Variants in ATP2B4 observed in about 807,000 individuals in gnomAD.
The protein encoded by ATP2B4 is plasma membrane calcium-transporting ATPase 4.
ATP2B4 carries 39 observed loss-of-function variants against 110.3 expected under a neutral mutation model. The observed-to-expected ratio is 0.35, with a 90% confidence interval of 0.27 to 0.46. ATP2B4 has a LOEUF of 0.46. Ranked by LOEUF, ATP2B4 falls within the 20% of genes least tolerant of loss-of-function variation. The pLI, the probability that ATP2B4 is intolerant of heterozygous loss-of-function variation, is 1.00. For synonymous variants in ATP2B4, 538 were observed against 571.7 expected, an observed-to-expected ratio of 0.94 and a Z score of 0.84; for missense variants, 1,135 against 1,530.9, an observed-to-expected ratio of 0.74 and a Z score of 4.32.
At chr1:203,700,983 C>A in intron 6 of ATP2B4, 60 bp downstream of exon 6, 2 of 1,561,532 alleles carry the variant, frequency 1.3e-6, no homozygotes, top group Non-Finnish European at 8.7e-7. Flanking sequence ...AACAAGGAAG[C>A]GAGGGAGCAG....
intron 1 of ATP2B4, among the ~76,000 whole-genome samples, chr1:203,672,334 TTTTTTTTTTTTTTTTTTTTTTTA>T (rs1240758799): frequency 3.5e-5 from 2 of 57,260 alleles, no homozygotes; most frequent in Non-Finnish European, 5.7e-5. Flanking sequence ...CTTTTTTTTT[TTTTTTTTTTTTTTTTTTTTTTTA>T]AAGCTGATTT....
At chr1:203,721,500 C>A in intron 17 of ATP2B4, 90 bp downstream of exon 17, 2 of 1,324,388 alleles carry the variant, frequency 1.5e-6, no homozygotes, top group South Asian at 1.3e-5. Context: ...GTGCACAGGT[C>A]AGGAATAAGC....
intron 1 of ATP2B4, among the ~76,000 whole-genome samples, chr1:203,682,086 C>T (rs1313808472): frequency 7.9e-5 from 12 of 152,202 alleles, no homozygotes; most frequent in African/African-American, 2.2e-4. Flanking sequence ...GCAGAATTTC[C>T]GTACACCTGG....
chr1:203,634,700 T>G (rs1306954720), intron 1 of ATP2B4, among the ~76,000 whole-genome samples: 1 of 151,992 alleles, frequency 6.6e-6, no homozygotes, highest in African/African-American at 2.4e-5. Flanking sequence ...GGTCTTGCTT[T>G]ATCATCCAGC....
intron 1 of ATP2B4, among the ~76,000 whole-genome samples, chr1:203,649,498 G>T (rs1663909474): frequency 6.6e-6 from 1 of 152,142 alleles, no homozygotes; most frequent in Non-Finnish European, 1.5e-5. Context: ...TCACTTTAGG[G>T]TGGGCGTAGT....
intron 1 of ATP2B4, among the ~76,000 whole-genome samples, chr1:203,643,818 G>A (rs1663706408): frequency 6.6e-6 from 1 of 152,216 alleles, no homozygotes; most frequent in Admixed American, 6.5e-5. Flanking sequence ...GCAGCGACTT[G>A]TTGGTTTTGG....
chr1:203,643,069 G>A (rs558882885), intron 1 of ATP2B4, among the ~76,000 whole-genome samples: 3 of 152,308 alleles, frequency 2.0e-5, no homozygotes, highest in South Asian at 4.1e-4. Flanking sequence ...TCCCCGTAGC[G>A]AAAGGCCCAG....
intron 1 of ATP2B4, among the ~76,000 whole-genome samples, chr1:203,642,458 CTG>C (rs2102307086): frequency 6.6e-6 from 1 of 152,272 alleles, no homozygotes; most frequent in South Asian, 2.1e-4. Flanking sequence ...CTGGATTTAT[CTG>C]TGTTTTCTGT....
chr1:203,685,937 C>T (rs1665165432), intron 2 of ATP2B4, among the ~76,000 whole-genome samples: 2 of 151,662 alleles, frequency 1.3e-5, no homozygotes, highest in African/African-American at 2.4e-5. Flanking sequence ...ATGTTTTGTC[C>T]TATCTGGAGA....
chr1:203,723,418 A>ATC (rs1491262777), intron 18 of ATP2B4, among the ~76,000 whole-genome samples: 10 of 66,458 alleles, frequency 1.5e-4, no homozygotes, highest in African/African-American at 4.7e-4. Flanking sequence ...TTTGAGACAG[A>ATC]TATCTCTCTC....
At chr1:203,732,100 C>A (rs1055211692) in intron 20 of ATP2B4, among the ~76,000 whole-genome samples, 3 of 150,362 alleles carry the variant, frequency 2.0e-5, no homozygotes, top group Non-Finnish European at 4.4e-5. Context: ...TGGCGTGAAC[C>A]CGGGAGGCGG....
At chr1:203,647,856 T>G (rs957668957) in intron 1 of ATP2B4, among the ~76,000 whole-genome samples, 1 of 151,684 alleles carries the variant, frequency 6.6e-6, no homozygotes, top group African/African-American at 2.4e-5. Context: ...CCAGCCTAGG[T>G]GGTGCACAGG....
intron 4 of ATP2B4, 152 bp from the exon 5 acceptor site, chr1:203,700,054 T>G (rs1665645246): frequency 1.0e-6 from 1 of 976,312 alleles, no homozygotes; most frequent in South Asian, 1.6e-5. Flanking sequence ...GCTGAAGACT[T>G]GTAAAGAGTC....
intron 20 of ATP2B4, among the ~76,000 whole-genome samples, chr1:203,738,650 C>A (rs1666928648): frequency 6.6e-6 from 1 of 152,174 alleles, no homozygotes; most frequent in Non-Finnish European, 1.5e-5. Context: ...TAAGACTATG[C>A]TCCTCTTCAC....
At chr1:203,690,472 C>G (rs145555945) in intron 2 of ATP2B4, among the ~76,000 whole-genome samples, 1 of 152,116 alleles carries the variant, frequency 6.6e-6, no homozygotes, top group East Asian at 1.9e-4. Flanking sequence ...GCTTAGAGAC[C>G]GCTGCTCTAA....
intron 20 of ATP2B4, among the ~76,000 whole-genome samples, chr1:203,729,313 G>A (rs1027204070): frequency 2.0e-5 from 3 of 151,990 alleles, no homozygotes; most frequent in African/African-American, 7.2e-5. Flanking sequence ...TTGGGAGGCC[G>A]AGGCTGGCAG....
chr1:203,682,528 A>G (rs948307306), intron 1 of ATP2B4, among the ~76,000 whole-genome samples: 5 of 152,234 alleles, frequency 3.3e-5, no homozygotes, highest in African/African-American at 1.2e-4. Flanking sequence ...ACTCCTCTAC[A>G]TTGGAGTTTA....
At chr1:203,627,432 G>A (rs1663122887) in intron 1 of ATP2B4, among the ~76,000 whole-genome samples, 1 of 152,104 alleles carries the variant, frequency 6.6e-6, no homozygotes, top group Admixed American at 6.5e-5. Context: ...AGTCGAACAA[G>A]TGATTTATCT....
At chr1:203,718,870 C>T (rs901962866) in intron 15 of ATP2B4, among the ~76,000 whole-genome samples, 4 of 151,930 alleles carry the variant, frequency 2.6e-5, no homozygotes, top group Non-Finnish European at 4.4e-5. Flanking sequence ...TGTGTGTGTG[C>T]AGTTGTGCTA....
Sources: allele counts gnomAD v4.1 joint callset (sites outside exome capture counted in the v4.1 genomes callset), GRCh38; gene constraint gnomAD v4.1.1; transcripts MANE v1.5; gene names NCBI Gene and HGNC (gene_info 2026-07-23, HGNC 2026-07-21).